The following DGKG variants were observed in gnomAD, a reference collection of about 807,000 sequenced individuals.
The protein encoded by DGKG is DAG kinase gamma.
In DGKG, 78 loss-of-function variants were observed where a neutral mutation model predicts 105.3. That is an observed-to-expected ratio of 0.74 (90% CI 0.62 to 0.89). DGKG has a LOEUF of 0.89. Ranked by LOEUF, DGKG falls within the 40% of genes least tolerant of loss-of-function variation. DGKG has a pLI of 0.00. For missense variants in DGKG, 958 were observed against 1,020.1 expected, an observed-to-expected ratio of 0.94 and a Z score of 0.83; for synonymous variants, 346 against 367.1, an observed-to-expected ratio of 0.94 and a Z score of 0.66.
At chr3:186,312,863 G>A (rs1015681221) in intron 2 of DGKG, among the ~76,000 whole-genome samples, 4 of 152,204 alleles carry the variant, frequency 2.6e-5, no homozygotes, top group Non-Finnish European at 4.4e-5. Context: ...CACGTGGGAA[G>A]CACAGGGGAG....
Position 186,328,446 on chromosome 3 carries a change from T to C in DGKG, c.-248-7739A>G, listed in dbSNP as rs141791764. Reference sequence around the variant, plus strand: ...AGCTTCCTGAAGGAGCTGATGCTCCTGCTGAGGAGGGGTGACGAGGTGATG... The same window carrying C: ...AGCTTCCTGAAGGAGCTGATGCTCCCGCTGAGGAGGGGTGACGAGGTGATG... On this transcript the variant is annotated intron_variant, in intron 1 of 24. Coordinates refer to ENST00000265022, the MANE Select transcript of DGKG (RefSeq NM_001346.3). Among the ~76,000 whole-genome samples the C allele has an allele frequency of 3.9e-5, 6 of 152,328 alleles. No individual in the cohort carries two copies. In the East Asian group the frequency reaches 1.2e-3, roughly 29 times the overall value.
intron 20 of DGKG, among the ~76,000 whole-genome samples, chr3:186,223,984 G>A (rs1719727182): frequency 6.6e-6 from 1 of 152,194 alleles, no homozygotes; most frequent in African/African-American, 2.4e-5. Context: ...CTGTAGGTGT[G>A]GCCCCAGTGG....
rs566997267 is a variant in DGKG at position 186,313,376 on chromosome 3, C to T, written c.68-6399G>A. On this transcript the variant is annotated intron_variant, in intron 2 of 24. Coordinates refer to ENST00000265022, the MANE Select transcript of DGKG (RefSeq NM_001346.3). Reference sequence around the variant, plus strand: ...GAAATTGGGGTCAATAGCAATAAAACGTTTTTTAAGACACAATTTTTTTGT... The same window carrying T: ...GAAATTGGGGTCAATAGCAATAAAATGTTTTTTAAGACACAATTTTTTTGT... 106 of 447,498 alleles carry T rather than the reference C, an allele frequency of 2.4e-4. 1 individual carries two copies. The highest frequency in any genetic ancestry group is 7.0e-4 in the Admixed American group (11 of 15,628). 27.7% of individuals were successfully genotyped at this position (447,498 alleles called of 1,614,324 possible).
intron 3 of DGKG, among the ~76,000 whole-genome samples, chr3:186,304,622 A>G (rs1413207000): frequency 6.6e-6 from 1 of 152,236 alleles, no homozygotes; most frequent in Non-Finnish European, 1.5e-5. Flanking sequence ...AATTGAGTTA[A>G]AAACATTCTG....
chr3:186,352,002 G>C (rs549021813), intron 1 of DGKG, among the ~76,000 whole-genome samples: 1 of 152,298 alleles, frequency 6.6e-6, no homozygotes, highest in East Asian at 1.9e-4. Context: ...AAAGTACTGA[G>C]GCCCAAGCTT....
At chr3:186,227,882 C>T (rs1324641624) in intron 20 of DGKG, among the ~76,000 whole-genome samples, 1 of 152,126 alleles carries the variant, frequency 6.6e-6, no homozygotes, top group Admixed American at 6.6e-5. Context: ...GTTGTATCAC[C>T]AAAATACCCT....
At position 186,203,106 on chromosome 3, in the gene DGKG, A is replaced by G. The variant is rs1216253750; in HGVS notation, c.1917+8689T>C. On this transcript the variant is annotated intron_variant, in intron 21 of 24. Transcript: ENST00000265022. The surrounding 1 kb of genome is among the most constrained non-coding windows in gnomAD (Gnocchi z 4.9). ...AAAGTTTTATGTGCCAGAAACTGCA[A>G]GCAAACAATGGAATTTTGTAAGGGA... Among the ~76,000 whole-genome samples, 1 of 152,258 alleles carries G rather than the reference A, an allele frequency of 6.6e-6. No individual in the cohort carries two copies.
intron 24 of DGKG, among the ~76,000 whole-genome samples, chr3:186,154,539 G>A (rs1205577471): frequency 6.6e-6 from 1 of 151,712 alleles, no homozygotes; most frequent in African/African-American, 2.4e-5. Context: ...CAGCTACTTG[G>A]GAGGCCAAGG....
At chr3:186,242,032 C>T (rs1446266373) in intron 20 of DGKG, among the ~76,000 whole-genome samples, 1 of 152,158 alleles carries the variant, frequency 6.6e-6, no homozygotes, top group Non-Finnish European at 1.5e-5. Flanking sequence ...AAGGAGACAC[C>T]CTTCTGGTCC....
chr3:186,204,189 TA>T (rs1409454839), intron 21 of DGKG, among the ~76,000 whole-genome samples: 1 of 152,066 alleles, frequency 6.6e-6, no homozygotes, highest in Non-Finnish European at 1.5e-5. Context: ...CAGGTAGATC[TA>T]TTGAGGTCAG....
At chr3:186,314,228 A>T (rs1724703818) in intron 2 of DGKG, among the ~76,000 whole-genome samples, 1 of 136,650 alleles carries the variant, frequency 7.3e-6, no homozygotes, top group Non-Finnish European at 1.6e-5. Flanking sequence ...CACACACATT[A>T]ATGTATGTTT....
chr3:186,291,711 A>C (rs1277860288), intron 5 of DGKG, among the ~76,000 whole-genome samples: 3 of 146,058 alleles, frequency 2.1e-5, no homozygotes, highest in Non-Finnish European at 4.5e-5. Context: ...GGCAGAAAGC[A>C]GATCAGTAGT....
chr3:186,236,381 C>A (rs1236444753), intron 20 of DGKG, among the ~76,000 whole-genome samples: 1 of 152,220 alleles, frequency 6.6e-6, no homozygotes, highest in African/African-American at 2.4e-5. Flanking sequence ...TGATATTCAA[C>A]AACAAATGTT....
At chr3:186,308,896 C>T (rs1006309746) in intron 2 of DGKG, among the ~76,000 whole-genome samples, 2 of 152,202 alleles carry the variant, frequency 1.3e-5, no homozygotes, top group African/African-American at 4.8e-5. Flanking sequence ...ATAAACTCTC[C>T]TCTACTAATC....
intron 22 of DGKG, among the ~76,000 whole-genome samples, chr3:186,182,319 A>G (rs1377160910): frequency 6.6e-6 from 1 of 152,206 alleles, no homozygotes; most frequent in Non-Finnish European, 1.5e-5. Context: ...CACACCTAAC[A>G]ATAATTCTGA....
At chr3:186,302,514 G>A (rs60681564) in intron 3 of DGKG, among the ~76,000 whole-genome samples, 2,706 of 16,392 alleles carry the variant, frequency 0.17, 94 homozygotes, top group Non-Finnish European at 0.24. Flanking sequence ...ATACATATGT[G>A]TATATATATA....
chr3:186,280,992 A>G (rs1028404278), intron 7 of DGKG: 6 of 419,996 alleles, frequency 1.4e-5, no homozygotes, highest in Non-Finnish European at 2.6e-5. Flanking sequence ...TTCCTCCTGG[A>G]CCCACCTTCC....
intron 22 of DGKG, among the ~76,000 whole-genome samples, chr3:186,166,741 T>C (rs1238048143): frequency 4.0e-5 from 6 of 149,384 alleles, no homozygotes; most frequent in Non-Finnish European, 8.9e-5. Flanking sequence ...GTGAGGGGGT[T>C]TGAGGGTTGA....
In DGKG at chr3:186,149,491, C is replaced by T. The variant is rs1356403055; in HGVS notation, c.*599G>A. 1.0e-6 allele frequency: 1 copy of T among 985,326 alleles called. No homozygotes were observed. Among genetic ancestry groups the T allele is most frequent in the Admixed American group, 6.1e-5 (1 of 16,270 alleles). 61.0% of individuals were successfully genotyped at this position (985,326 alleles called of 1,614,324 possible). ...ACCCAAGAATGGAAATACAGCTTTC[C>T]ACAGCCTTTCTGCCTCTTCAGCAGG... On this transcript the variant is annotated 3_prime_UTR_variant, in exon 25 of 25. Coordinates refer to ENST00000265022, the MANE Select transcript of DGKG (RefSeq NM_001346.3).
Sources: allele counts gnomAD v4.1 joint callset (sites outside exome capture counted in the v4.1 genomes callset), GRCh38; gene constraint gnomAD v4.1.1; non-coding constraint Gnocchi (gnomAD v3.1); transcripts MANE v1.5; gene names NCBI Gene and HGNC (gene_info 2026-07-23, HGNC 2026-07-21).